Variants in XIRP2 observed in about 807,000 individuals in gnomAD.
XIRP2 encodes the protein xin actin binding repeat containing 2.
In XIRP2, 236 loss-of-function variants were observed where a neutral mutation model predicts 277.0. That is an observed-to-expected ratio of 0.85 (90% CI 0.77 to 0.95). The LOEUF is 0.95. Ranked by LOEUF, XIRP2 falls within the 40% of genes least tolerant of loss-of-function variation. XIRP2 has a pLI of 0.00. For missense variants in XIRP2, 4,640 were observed against 4,157.5 expected, an observed-to-expected ratio of 1.12 and a Z score of -3.19; for synonymous variants, 1,490 against 1,416.5, an observed-to-expected ratio of 1.05 and a Z score of -1.17.
intron 2 of XIRP2, among the ~76,000 whole-genome samples, chr2:166,929,713 C>T (rs1020783631): frequency 6.6e-6 from 1 of 151,506 alleles, no homozygotes; most frequent in Non-Finnish European, 1.5e-5. Context: ...TCTTTAATTT[C>T]TTATGCTGTT....
intron 2 of XIRP2, among the ~76,000 whole-genome samples, chr2:167,011,651 C>G (rs547041127): frequency 6.6e-6 from 1 of 151,438 alleles, no homozygotes; most frequent in Non-Finnish European, 1.5e-5. Flanking sequence ...GGAATGGTAC[C>G]AGTTCCTCCT....
In XIRP2 at chr2:167,010,850, C is replaced by T. The variant is rs895297804; in HGVS notation, c.408+106960C>T. On this transcript the variant is annotated intron_variant, in intron 2 of 10. Transcript: ENST00000409195. ...TGAAGCAATTGTGAATGGGAGTTCACTCATGATTTGGCTCTCTGTTTGTCT... is the reference window on the plus strand; with the variant it reads ...TGAAGCAATTGTGAATGGGAGTTCATTCATGATTTGGCTCTCTGTTTGTCT... Among the ~76,000 whole-genome samples the T allele has an allele frequency of 1.4e-4, 22 of 151,934 alleles. 1 individual carries two copies. The highest frequency in any genetic ancestry group is 1.1e-3 in the Admixed American group (16 of 15,208).
At chr2:166,984,854 CAT>C (rs1480239042) in intron 2 of XIRP2, among the ~76,000 whole-genome samples, 1 of 152,204 alleles carries the variant, frequency 6.6e-6, no homozygotes, top group African/African-American at 2.4e-5. Context: ...CCAGGGCACT[CAT>C]GTGTTTACAG....
At chr2:167,240,592 G>C (rs773201853) in intron 6 of XIRP2, 72 bp from the exon 7 acceptor site, 12 of 1,276,802 alleles carry the variant, frequency 9.4e-6, no homozygotes, top group Non-Finnish European at 1.4e-5. Context: ...GTAAAATGAA[G>C]AGTATTATTT....
chr2:166,900,439 TCTTGTGAGATAATTG>T (rs1372412402), intron 1 of XIRP2, among the ~76,000 whole-genome samples: 4 of 152,072 alleles, frequency 2.6e-5, no homozygotes, highest in Non-Finnish European at 5.9e-5. Context: ...ACTTAAAAAT[TCTTGTGAGATAATTG>T]CAACACCTGT....
chr2:167,148,962 A>C (rs1157801152), intron 3 of XIRP2, among the ~76,000 whole-genome samples: 1 of 152,072 alleles, frequency 6.6e-6, no homozygotes, highest in East Asian at 1.9e-4. Context: ...GAAAGCATGC[A>C]ATTGATTCAG....
chr2:167,205,576 G>C (rs1450489502), intron 3 of XIRP2, among the ~76,000 whole-genome samples: 1 of 152,004 alleles, frequency 6.6e-6, no homozygotes, highest in Non-Finnish European at 1.5e-5. Context: ...GTATCTTTTA[G>C]CTATGGAATG....
chr2:166,935,468 G>GTTACA (rs1685469642), intron 2 of XIRP2, among the ~76,000 whole-genome samples: 1 of 151,708 alleles, frequency 6.6e-6, no homozygotes, highest in African/African-American at 2.4e-5. Flanking sequence ...CAACGTGCAC[G>GTTACA]TTTGTTACAT....
intron 2 of XIRP2, among the ~76,000 whole-genome samples, chr2:167,011,833 C>A (rs1241704123): frequency 6.6e-6 from 1 of 152,060 alleles, no homozygotes; most frequent in Non-Finnish European, 1.5e-5. Context: ...TTATCCATTT[C>A]TCCTAGATTT....
chr2:167,155,300 G>A (rs1005527815), intron 3 of XIRP2, among the ~76,000 whole-genome samples: 54 of 151,976 alleles, frequency 3.6e-4, no homozygotes, highest in African/African-American at 1.2e-3. Flanking sequence ...CCAAAAAGGA[G>A]AATTTTAGAC....
In XIRP2 at chr2:167,248,614, C is replaced by T; in HGVS notation, c.7222C>T (p.Gln2408Ter). The change falls in exon 9 of 11, where the codon CAG (glutamine) becomes TAG (stop). Residue 2408 changes from glutamine (Q) to a stop codon, truncating the protein, a stop_gained. Transcript: ENST00000409195. LOFTEE classifies it high-confidence loss of function. ...QKEASNSQNS[Q>*]AKIITGKTGV... is the part of the protein sequence containing the mutation. ...AGAAGCCTCGAACTCTCAGAATTCT[C>T]AGGCTAAAATCATAACAGGAAAAAC... 1 of 1,613,770 alleles carries T rather than the reference C, an allele frequency of 6.2e-7. No individual in the cohort carries two copies. The highest frequency in any genetic ancestry group is 8.5e-7 in the Non-Finnish European group (1 of 1,179,826).
chr2:167,082,729 C>T (rs1474885900), intron 2 of XIRP2, among the ~76,000 whole-genome samples: 3 of 152,172 alleles, frequency 2.0e-5, no homozygotes, highest in African/African-American at 7.2e-5. Context: ...TTTTTGGCTG[C>T]ATAAATGTCT....
chr2:167,166,522 T>C (rs952172597), intron 3 of XIRP2, among the ~76,000 whole-genome samples: 12 of 152,150 alleles, frequency 7.9e-5, no homozygotes, highest in Non-Finnish European at 2.9e-5. Context: ...ATGAAGAAGT[T>C]CCTGACCCTG....
chr2:167,037,517 G>T (rs1396823529), intron 2 of XIRP2, among the ~76,000 whole-genome samples: 9 of 135,660 alleles, frequency 6.6e-5, no homozygotes, highest in Non-Finnish European at 1.2e-4. Context: ...TTCATGTGGG[G>T]GGTGTGTGTG....
intron 3 of XIRP2, among the ~76,000 whole-genome samples, chr2:167,136,648 A>G (rs1384128269): frequency 2.0e-5 from 3 of 152,210 alleles, no homozygotes; most frequent in Non-Finnish European, 2.9e-5. Flanking sequence ...ATTATTTTCA[A>G]CAATGACAGA....
rs368718243 is a variant in XIRP2 at position 166,903,701 on chromosome 2, G to C, written c.219G>C (p.Ser73=). The C allele has an allele frequency of 1.5e-5, 25 of 1,613,652 alleles. No homozygotes were observed. Among genetic ancestry groups the C allele is most frequent in the Middle Eastern group, 1.7e-4 (1 of 6,058 alleles). ...GTACAGGGGAAGAGATGTGGAGTTC[G>C]AAGCCGGAAGAGAAGGATTCTGTGG... ...PYSTGEEMWS[S]KPEEKDSVDK... is the part of the protein sequence containing the mutation. Residue 73 remains serine (S), a synonymous_variant, in exon 2 of 11, where the codon TCG becomes TCC. Coordinates refer to ENST00000409195, the MANE Select transcript of XIRP2 (RefSeq NM_152381.6).
At chr2:167,257,541 G>A (rs1437501233) in intron 10 of XIRP2, among the ~76,000 whole-genome samples, 2 of 151,846 alleles carry the variant, frequency 1.3e-5, no homozygotes, top group African/African-American at 2.4e-5. Flanking sequence ...AAATTACAAC[G>A]CCTCACATAA....
At chr2:167,184,492 C>A (rs1451453098) in intron 3 of XIRP2, 1 of 702,722 alleles carries the variant, frequency 1.4e-6, no homozygotes, top group South Asian at 1.5e-5. Context: ...TTTTGTTGCT[C>A]CAGTCCCATG....
At chr2:166,908,117 T>C (rs1340362987) in intron 2 of XIRP2, among the ~76,000 whole-genome samples, 1 of 152,180 alleles carries the variant, frequency 6.6e-6, no homozygotes, top group African/African-American at 2.4e-5. Context: ...TATAATCCTT[T>C]GGGTGTATAC....
Sources: gnomAD v4.1 joint callset for allele counts (sites outside exome capture counted in the v4.1 genomes callset) on GRCh38, gnomAD v4.1.1 for gene constraint, MANE v1.5 for transcripts, NCBI Gene and HGNC (gene_info 2026-07-23, HGNC 2026-07-21) for gene names.